The following FBLN7 variants were observed in gnomAD, a reference collection of about 807,000 sequenced individuals.
FBLN7 encodes the protein fibulin 7.
FBLN7 carries 31 observed loss-of-function variants against 44.0 expected under a neutral mutation model. The ratio of observed to expected loss-of-function variants is 0.70; its 90% confidence interval spans 0.53 to 0.95. The LOEUF (loss-of-function observed/expected upper bound fraction) is 0.95, where lower values mean the gene tolerates loss of function less well. Among genes scored for constraint, FBLN7 ranks in the 40% least tolerant of loss-of-function variants. The probability of loss-of-function intolerance (pLI) is 0.00; values close to 1 mark genes in which losing one functional copy is unlikely to be tolerated. For synonymous variants in FBLN7, 262 were observed against 253.4 expected, an observed-to-expected ratio of 1.03 and a Z score of -0.32; for missense variants, 573 against 618.5, an observed-to-expected ratio of 0.93 and a Z score of 0.78.
At chr2:112,232,155 C>A in the FBLN7 span, among the ~76,000 whole-genome samples, 1 of 151,720 alleles carries the variant, frequency 6.6e-6, no homozygotes, top group African/African-American at 2.4e-5. Context: ...ACTAAAAATC[C>A]AAAAAAATTA....
intron 3 of FBLN7, among the ~76,000 whole-genome samples, chr2:112,175,079 G>A (rs562334986): frequency 2.3e-4 from 35 of 152,312 alleles, no homozygotes; most frequent in African/African-American, 8.2e-4. Context: ...TTCCACAGAA[G>A]TGTCGTGTAG....
chr2:112,160,694 A>ACACGCG (rs1681734184), intron 2 of FBLN7, among the ~76,000 whole-genome samples: 1 of 115,390 alleles, frequency 8.7e-6, no homozygotes, highest in East Asian at 2.1e-4. Context: ...ACGCACACGC[A>ACACGCG]CACACGCACG....
At chr2:112,236,608 T>C in the FBLN7 span, 1 of 1,614,040 alleles carries the variant, frequency 6.2e-7, no homozygotes, top group East Asian at 2.2e-5. Context: ...TGATCCTTTG[T>C]TTCCAGGGCC....
intron 2 of FBLN7, among the ~76,000 whole-genome samples, chr2:112,163,262 A>G (rs1452608333): frequency 1.3e-5 from 2 of 152,154 alleles, no homozygotes; most frequent in East Asian, 3.9e-4. Flanking sequence ...GAGGCCCATC[A>G]CGCTCCTTAA....
chr2:112,197,272 CACAGAGAGAGAG>C, the FBLN7 span, among the ~76,000 whole-genome samples: 9,724 of 119,256 alleles, frequency 0.082, 346 homozygotes, highest in Non-Finnish European at 0.12. Flanking sequence ...CACACACACA[CACAGAGAGAGAG>C]AGAGAGAGAG....
At chr2:112,234,040 TA>T in the FBLN7 span, 2 of 815,294 alleles carry the variant, frequency 2.5e-6, no homozygotes, top group Non-Finnish European at 3.7e-6. Context: ...TTTAAAAACC[TA>T]AAGGTATGAA....
rs181624343 is a variant in FBLN7 at position 112,148,422 on chromosome 2, C to T, written c.75+9692C>T. Among the ~76,000 whole-genome samples, 127 of 152,288 alleles carry T rather than the reference C, an allele frequency of 8.3e-4. 1 individual carries two copies. The highest frequency in any genetic ancestry group is 3.4e-3 in the Middle Eastern group (1 of 294). ...AGATCTATTGATCTGAGATAAATAC[C>T]GCTATCTAAAATGAGGTATTTCATA... On this transcript the variant is annotated intron_variant, in intron 1 of 7. Transcript: ENST00000331203.
the FBLN7 span, among the ~76,000 whole-genome samples, chr2:112,197,274 C>CACAGAGAGAGAG: frequency 3.0e-5 from 3 of 98,594 alleles, no homozygotes; most frequent in Non-Finnish European, 6.7e-5. Flanking sequence ...CACACACACA[C>CACAGAGAGAGAG]AGAGAGAGAG....
At chr2:112,196,374 CTTTTTTTTTTTTTTT>C in the FBLN7 span, among the ~76,000 whole-genome samples, 2 of 63,258 alleles carry the variant, frequency 3.2e-5, no homozygotes, top group East Asian at 5.2e-4. Context: ...TCTTCTTCTT[CTTTTTTTTTTTTTTT>C]TTTTTTTTTT....
At chr2:112,158,049 C>T (rs1160338968) in intron 1 of FBLN7, among the ~76,000 whole-genome samples, 3 of 152,082 alleles carry the variant, frequency 2.0e-5, no homozygotes, top group East Asian at 1.9e-4. Flanking sequence ...AGGCACCCGC[C>T]ACCTCACCCG....
intron 4 of FBLN7, among the ~76,000 whole-genome samples, chr2:112,178,459 T>C (rs1682836777): frequency 6.6e-6 from 1 of 151,986 alleles, no homozygotes; most frequent in South Asian, 2.1e-4. Context: ...CAGAAACTAT[T>C]CCAAAAAACT....
chr2:112,140,276 G>C (rs932291069), intron 1 of FBLN7, among the ~76,000 whole-genome samples: 3 of 146,498 alleles, frequency 2.0e-5, no homozygotes, highest in African/African-American at 7.7e-5. Context: ...CTCTCTCCAG[G>C]TCAGTGTCCC....
the FBLN7 span, among the ~76,000 whole-genome samples, chr2:112,230,502 T>C: frequency 1.3e-5 from 2 of 152,100 alleles, no homozygotes. Context: ...AAATGTTATA[T>C]AGGAGTAAAA....
chr2:112,197,274 C>CACACACACAGAGAGAGAG, the FBLN7 span, among the ~76,000 whole-genome samples: 5 of 98,594 alleles, frequency 5.1e-5, no homozygotes, highest in African/African-American at 6.7e-5. Flanking sequence ...CACACACACA[C>CACACACACAGAGAGAGAG]AGAGAGAGAG....
At chr2:112,166,349 C>A (rs1401525980) in intron 3 of FBLN7, among the ~76,000 whole-genome samples, 1 of 152,112 alleles carries the variant, frequency 6.6e-6, no homozygotes, top group Non-Finnish European at 1.5e-5. Context: ...CCACACCTGG[C>A]CAAGAGAGGA....
rs749148931 is a variant in FBLN7 at position 112,165,045 on chromosome 2, G to C, written c.280G>C (p.Gly94Arg). Residue 94 changes from glycine to arginine, a missense_variant, in exon 3 of 8, where the codon GGA (glycine) becomes CGA (arginine). By Grantham distance (125) the Gly-to-Arg change is moderately radical. Coordinates refer to ENST00000331203, the MANE Select transcript of FBLN7 (RefSeq NM_153214.3). ...LNTPADGRKFGSKYLVDHEVH... is the reference protein window; with the variant it reads ...LNTPADGRKFRSKYLVDHEVH... ...CACCCCCGCAGACGGCAGAAAGTTT[G>C]GAAGCAAGTACTTAGTGGATCACGA... The C allele has an allele frequency of 1.9e-6, 3 of 1,614,056 alleles. No individual in the cohort carries two copies. Among genetic ancestry groups the C allele is most frequent in the Non-Finnish European group, 2.5e-6 (3 of 1,180,032 alleles).
chr2:112,196,789 C>T, the FBLN7 span, among the ~76,000 whole-genome samples: 1 of 152,128 alleles, frequency 6.6e-6, no homozygotes, highest in Non-Finnish European at 1.5e-5. Flanking sequence ...CTGATAAAGA[C>T]ATACCCAAGA....
chr2:112,241,317 C>A, the FBLN7 span, among the ~76,000 whole-genome samples: 1 of 152,118 alleles, frequency 6.6e-6, no homozygotes, highest in Non-Finnish European at 1.5e-5. Context: ...GATGTGGGTA[C>A]TACGACCACC....
chr2:112,160,778 A>ACACG (rs1209363802), intron 2 of FBLN7, among the ~76,000 whole-genome samples: 2 of 143,266 alleles, frequency 1.4e-5, no homozygotes. Context: ...ACGCAGACGC[A>ACACG]CACGCACGCA....
Sources: allele counts gnomAD v4.1 joint callset (sites outside exome capture counted in the v4.1 genomes callset), GRCh38; gene constraint gnomAD v4.1.1; transcripts MANE v1.5; gene names NCBI Gene and HGNC (gene_info 2026-07-23, HGNC 2026-07-21).